The following IL1R1 variants were observed in gnomAD, a reference collection of about 807,000 sequenced individuals.
IL1R1 encodes the protein interleukin-1 receptor type 1.
In IL1R1, 22 loss-of-function variants were observed where a neutral mutation model predicts 50.2. The observed-to-expected ratio is 0.44, with a 90% CI of 0.31 to 0.63. IL1R1 has a LOEUF of 0.63. IL1R1 is among the 20% of genes least tolerant of loss of function. The pLI is 0.07. For synonymous variants in IL1R1, 251 were observed against 236.7 expected (o/e 1.06, Z -0.55); for missense variants, 509 against 676.2 (o/e 0.75, Z 2.74).
Position 102,176,753 on chromosome 2 carries a change from C to T in IL1R1, c.1704C>T (p.Leu568=), listed in dbSNP as rs200300972. The change falls in exon 12 of 12, where the codon CTC becomes CTT. Residue 568 remains leucine, a synonymous_variant. Coordinates refer to ENST00000410023, the MANE Select transcript of IL1R1 (RefSeq NM_000877.4). The stretch of plus-strand genomic sequence containing the variant: ...TGCAAAGAGAGGCTCACGTGCCTCT[C>T]GGGTAGCATGGAGAAGTTGCCAAGA... ...EKLQREAHVP[L]G 28 of 1,612,950 alleles carry T rather than the reference C, an allele frequency of 1.7e-5. No homozygotes were observed. Among genetic ancestry groups the T allele is most frequent in the South Asian group, 1.4e-4 (13 of 91,030 alleles).
intron 1 of IL1R1, among the ~76,000 whole-genome samples, chr2:102,145,109 C>A (rs185143589): frequency 6.6e-6 from 1 of 152,162 alleles, no homozygotes; most frequent in Non-Finnish European, 1.5e-5. Flanking sequence ...GTACAGAGAT[C>A]CTTATATTCT....
chr2:102,172,031 C>CTTTTTTTTTTTTTTTTTTTTTTTTT (rs35265416), intron 8 of IL1R1, 113 bp downstream of exon 8: 4 of 87,256 alleles, frequency 4.6e-5, no homozygotes, highest in Non-Finnish European at 8.1e-5. Flanking sequence ...CCTTTGCTGC[C>CTTTTTTTTTTTTTTTTTTTTTTTTT]TTTTTTTTTT....
chr2:102,108,499 T>A (rs573220151), intron 1 of IL1R1, among the ~76,000 whole-genome samples: 1 of 152,242 alleles, frequency 6.6e-6, no homozygotes, highest in East Asian at 1.9e-4. Flanking sequence ...TATACCTCTC[T>A]CCAGGGCCTG....
At position 102,172,752 on chromosome 2, in the gene IL1R1, A is replaced by G; in HGVS notation, c.905A>G (p.Glu302Gly). The G allele has an allele frequency of 6.2e-7, 1 of 1,612,902 alleles. No homozygotes were observed. The highest frequency in any genetic ancestry group is 8.5e-7 in the Non-Finnish European group (1 of 1,178,914). ...ACAGTGCTTAATATATCGGAAATTG[A>G]AAGTAGATTTTATAAACATCCATTT... ...LITVLNISEI[E>G]SRFYKHPFTC... The change falls in exon 9 of 12, where the codon GAA becomes GGA. Residue 302 changes from glutamate (E) to glycine (G), a missense_variant. Transcript: ENST00000410023.
At chr2:102,172,475 C>T in intron 8 of IL1R1, 1 of 1,190,200 alleles carries the variant, frequency 8.4e-7, no homozygotes, top group African/African-American at 1.6e-5. Flanking sequence ...TTTGCTTTCT[C>T]TGCTACTGAG....
chr2:102,105,655 C>CCTGGCCTGAGCCACCAT (rs1559464407), intron 1 of IL1R1, among the ~76,000 whole-genome samples: 17 of 152,030 alleles, frequency 1.1e-4, no homozygotes, highest in Non-Finnish European at 2.5e-4. Context: ...TGAGCCACCA[C>CCTGGCCTGAGCCACCAT]GCCTGGCCTG....
intron 3 of IL1R1, among the ~76,000 whole-genome samples, chr2:102,159,923 T>G (rs1311968088): frequency 6.6e-6 from 1 of 152,198 alleles, no homozygotes; most frequent in Non-Finnish European, 1.5e-5. Flanking sequence ...TGATTTGGCA[T>G]GTTTCTGTTT....
intron 1 of IL1R1, among the ~76,000 whole-genome samples, chr2:102,126,954 C>A (rs1681744587): frequency 6.6e-6 from 1 of 152,172 alleles, no homozygotes; most frequent in African/African-American, 2.4e-5. Flanking sequence ...AGTTCTCTTC[C>A]CAGCCCTTTT....
chr2:102,090,598 C>A (rs1378963143), intron 1 of IL1R1, among the ~76,000 whole-genome samples: 1 of 152,136 alleles, frequency 6.6e-6, no homozygotes, highest in East Asian at 1.9e-4. Context: ...AACCCATCAG[C>A]TGAATTTTCA....
chr2:102,155,404 C>T (rs971782288), intron 2 of IL1R1, among the ~76,000 whole-genome samples: 1 of 152,204 alleles, frequency 6.6e-6, no homozygotes, highest in South Asian at 2.1e-4. Flanking sequence ...CGTTCAACTG[C>T]GAGCACTATG....
chr2:102,128,483 T>C (rs1681849254), intron 1 of IL1R1, among the ~76,000 whole-genome samples: 3 of 152,218 alleles, frequency 2.0e-5, no homozygotes, highest in African/African-American at 4.8e-5. Flanking sequence ...GTTTAAATAC[T>C]TTTTATGTAT....
intron 1 of IL1R1, among the ~76,000 whole-genome samples, chr2:102,091,790 C>A (rs1262328063): frequency 1.3e-5 from 2 of 152,318 alleles, no homozygotes; most frequent in Non-Finnish European, 2.9e-5. Flanking sequence ...ACCCACACAG[C>A]CTTCCCAGCC....
chr2:102,168,671 G>C lies in IL1R1; in HGVS notation c.721+8G>C. The C allele has an allele frequency of 3.1e-6, 5 of 1,608,770 alleles. No individual in the cohort carries two copies. The highest frequency in any genetic ancestry group is 2.2e-5 in the East Asian group (1 of 44,844). On this transcript the variant is annotated splice_region_variant and intron_variant, in intron 7 of 11. Transcript: ENST00000410023. The stretch of plus-strand genomic sequence containing the variant: ...CAATGGAAGTAGACTTGGGTAAGTG[G>C]GCTTCAGTGAGGGTATGCTGGAATC...
chr2:102,140,288 A>T (rs569006746), upstream of IL1R1, among the ~76,000 whole-genome samples: 1 of 152,202 alleles, frequency 6.6e-6, no homozygotes, highest in Non-Finnish European at 1.5e-5. Flanking sequence ...TTTTTCAGGC[A>T]TTGGATTATG....
intron 1 of IL1R1, among the ~76,000 whole-genome samples, chr2:102,088,413 C>T (rs1679517897): frequency 6.6e-6 from 1 of 151,988 alleles, no homozygotes; most frequent in Non-Finnish European, 1.5e-5. Flanking sequence ...GATATTTTTA[C>T]AGGAATCTTT....
chr2:102,103,005 G>A (rs1680210582), upstream of IL1R1, among the ~76,000 whole-genome samples: 1 of 152,124 alleles, frequency 6.6e-6, no homozygotes, highest in Non-Finnish European at 1.5e-5. Context: ...TGAGGATGGA[G>A]TGTGGGAGGA....
intron 1 of IL1R1, among the ~76,000 whole-genome samples, chr2:102,082,153 CT>C (rs1679238947): frequency 6.6e-6 from 1 of 152,080 alleles, no homozygotes; most frequent in Non-Finnish European, 1.5e-5. Flanking sequence ...TCCTTCTTGG[CT>C]TTATAACTAT....
Position 102,078,601 on chromosome 2 carries a change from A to ACACACACAC in IL1R1, c.-84+8068_-84+8069insCACACACAC, listed in dbSNP as rs1159929134. 4.0e-3 allele frequency among the ~76,000 whole-genome samples: 534 copies of ACACACACAC among 133,460 alleles called. 9 individuals are homozygous for ACACACACAC. The highest frequency in any genetic ancestry group is 0.014 in the East Asian group (64 of 4,446). The allele number at this position is 133,460 out of a possible 152,430, so 87.6% of individuals were successfully genotyped here. On this transcript the variant is annotated intron_variant, in intron 1 of 11. Coordinates refer to the IL1R1 transcript ENST00000409929. Reference sequence around the variant, plus strand: ...ACACACACACACACACACACACACAAGAAAAAAAAAAGGAAAAAAGCCCAT... The same window carrying ACACACACAC: ...ACACACACACACACACACACACACAACACACACACGAAAAAAAAAAGGAAAAAAGCCCAT...
At chr2:102,141,019 T>G (rs1225027549), upstream of IL1R1, among the ~76,000 whole-genome samples, 1 of 152,236 alleles carries the variant, frequency 6.6e-6, no homozygotes, top group African/African-American at 2.4e-5. Flanking sequence ...AATTTCACTT[T>G]CTACTTGTAA....
Sources: gnomAD v4.1 joint callset for allele counts (sites outside exome capture counted in the v4.1 genomes callset) on GRCh38, gnomAD v4.1.1 for gene constraint, MANE v1.5 for transcripts, NCBI Gene and HGNC (gene_info 2026-07-23, HGNC 2026-07-21) for gene names.